Variants in DCHS2 observed in about 807,000 individuals in gnomAD.
The protein encoded by DCHS2 is protocadherin-23.
A neutral mutation model predicts 182.4 loss-of-function variants in DCHS2; 142 were observed. That is an observed-to-expected ratio of 0.78 (90% CI 0.68 to 0.89). The LOEUF is 0.89. DCHS2 is among the 40% of genes least tolerant of loss of function. The probability of loss-of-function intolerance (pLI) is 0.00; values close to 1 mark genes in which losing one functional copy is unlikely to be tolerated. For missense variants in DCHS2, 4,319 were observed against 4,198.6 expected, an observed-to-expected ratio of 1.03 and a Z score of -0.79; for synonymous variants, 1,740 against 1,663.3, an observed-to-expected ratio of 1.05 and a Z score of -1.12.
intron 15 of DCHS2, among the ~76,000 whole-genome samples, chr4:154,259,113 T>C (rs1195553988): frequency 6.6e-6 from 1 of 152,108 alleles, no homozygotes; most frequent in Non-Finnish European, 1.5e-5. Context: ...ATGGGGCTAG[T>C]CCTGAAAGCA....
chr4:154,474,244 G>A (rs767625867), intron 1 of DCHS2, among the ~76,000 whole-genome samples: 2 of 152,124 alleles, frequency 1.3e-5, no homozygotes, highest in Admixed American at 6.5e-5. Context: ...TCTTCAGAGC[G>A]TTAACTTACA....
chr4:154,244,471 G>A (rs988935821), intron 16 of DCHS2, among the ~76,000 whole-genome samples: 1 of 152,284 alleles, frequency 6.6e-6, no homozygotes, highest in East Asian at 1.9e-4. Flanking sequence ...TTATTAATTA[G>A]AAGATGCTCT....
chr4:154,455,134 C>T (rs567650730), intron 1 of DCHS2, among the ~76,000 whole-genome samples: 1 of 152,288 alleles, frequency 6.6e-6, no homozygotes, highest in South Asian at 2.1e-4. Flanking sequence ...CTTTAAAATC[C>T]AAACCTCTGT....
intron 3 of DCHS2, among the ~76,000 whole-genome samples, chr4:154,339,552 C>T (rs1242115473): frequency 3.3e-5 from 5 of 151,410 alleles, no homozygotes; most frequent in African/African-American, 1.2e-4. Context: ...TGGATTCAAG[C>T]GATTCTCCCG....
At chr4:154,419,461 GC>G (rs1204295434) in intron 1 of DCHS2, among the ~76,000 whole-genome samples, 1 of 151,958 alleles carries the variant, frequency 6.6e-6, no homozygotes, top group East Asian at 1.9e-4. Context: ...GACCAGCCTG[GC>G]CAATGTGGTG....
intron 1 of DCHS2, among the ~76,000 whole-genome samples, chr4:154,412,161 A>G (rs1045460524): frequency 3.9e-5 from 6 of 152,222 alleles, no homozygotes; most frequent in African/African-American, 7.2e-5. Context: ...GAGAGAGAGA[A>G]AAAAAGCACA....
chr4:154,341,855 G>C (rs1017500371), intron 3 of DCHS2, among the ~76,000 whole-genome samples: 4 of 152,174 alleles, frequency 2.6e-5, no homozygotes, highest in Non-Finnish European at 4.4e-5. Flanking sequence ...TTTCCTGTCT[G>C]AAAGTGCTGA....
intron 16 of DCHS2, among the ~76,000 whole-genome samples, 183 bp downstream of exon 16, chr4:154,255,336 A>G (rs1732603972): frequency 6.6e-6 from 1 of 152,242 alleles, no homozygotes; most frequent in Non-Finnish European, 1.5e-5. Context: ...CCAAATACAA[A>G]TAATGGCTGA....
In DCHS2 at chr4:154,297,978, A is replaced by G; in HGVS notation, c.6336T>C (p.Val2112=). The change falls in exon 13 of 20, where the codon GTT becomes GTC. Residue 2112 remains valine, a synonymous_variant. Transcript: ENST00000357232. The part of the protein sequence containing the change: ...EYFPIWLQLK[V]TDQGIPARTT... ...TCCTGGCTGGAATGCCCTGGTCTGT[A>G]ACTTTTAACTGCAGCCAGATAGGGA... 6.2e-7 allele frequency: 1 copy of G among 1,614,144 alleles called. No individual in the cohort carries two copies. Among genetic ancestry groups the G allele is most frequent in the East Asian group, 2.2e-5 (1 of 44,870 alleles).
At chr4:154,419,821 CA>C (rs369876828) in intron 1 of DCHS2, among the ~76,000 whole-genome samples, 2,548 of 122,512 alleles carry the variant, frequency 0.021, 56 homozygotes, top group African/African-American at 0.072. Context: ...AGAACAAGAC[CA>C]AAAAAAAAAA....
chr4:154,471,335 G>A (rs1236977331), intron 1 of DCHS2, among the ~76,000 whole-genome samples: 2 of 152,130 alleles, frequency 1.3e-5, no homozygotes, highest in Admixed American at 1.3e-4. Flanking sequence ...TGCAGCATAG[G>A]TCTGAAATAA....
intron 7 of DCHS2, among the ~76,000 whole-genome samples, chr4:154,326,018 A>T (rs564935173): frequency 6.6e-6 from 1 of 152,226 alleles, no homozygotes; most frequent in African/African-American, 2.4e-5. Flanking sequence ...TATTCCGTGA[A>T]TATACCATAT....
At chr4:154,367,314 C>A (rs182294455) in intron 2 of DCHS2, among the ~76,000 whole-genome samples, 3 of 152,050 alleles carry the variant, frequency 2.0e-5, no homozygotes, top group Non-Finnish European at 4.4e-5. Context: ...GGAGGGAGAA[C>A]GGGCAGGAGG....
intron 12 of DCHS2, among the ~76,000 whole-genome samples, chr4:154,303,682 G>A (rs1301325502): frequency 6.6e-6 from 1 of 152,156 alleles, no homozygotes; most frequent in Non-Finnish European, 1.5e-5. Flanking sequence ...GGAGGAACAA[G>A]GTTAGTAGGT....
At chr4:154,384,031 T>C (rs1386286111) in intron 1 of DCHS2, among the ~76,000 whole-genome samples, 1 of 152,072 alleles carries the variant, frequency 6.6e-6, no homozygotes, top group Non-Finnish European at 1.5e-5. Context: ...AACACACACA[T>C]AGAACTTTAC....
intron 7 of DCHS2, among the ~76,000 whole-genome samples, chr4:154,327,656 G>A (rs1233888488): frequency 6.6e-6 from 1 of 151,990 alleles, no homozygotes; most frequent in East Asian, 1.9e-4. Flanking sequence ...ATACACACAC[G>A]CATGTATACA....
At chr4:154,293,863 C>T (rs1237496539) in intron 13 of DCHS2, among the ~76,000 whole-genome samples, 2 of 152,192 alleles carry the variant, frequency 1.3e-5, no homozygotes, top group African/African-American at 4.8e-5. Flanking sequence ...CGCTTGGTCG[C>T]GGGGTCAACT....
At chr4:154,308,922 A>G (rs533403043) in intron 10 of DCHS2, among the ~76,000 whole-genome samples, 54 of 152,180 alleles carry the variant, frequency 3.5e-4, no homozygotes, top group Non-Finnish European at 7.9e-4. Flanking sequence ...CGGAAACCCT[A>G]AAGATGAATA....
chr4:154,239,178 G>A lies in DCHS2; in HGVS notation c.7484C>T (p.Pro2495Leu). Reference protein sequence around the residue: ...LSSSKEFSIDPKNGTIFTISP... With the variant: ...LSSSKEFSIDLKNGTIFTISP... ...AATTATAAATAACTCACCATTCTTA[G>A]GATCAATGGAGAATTCCTTAGAAGA... Residue 2495 changes from proline (P) to leucine (L), a missense_variant, in exon 19 of 20, where the codon CCT becomes CTT. Physicochemically the swap from Pro to Leu is moderately conservative, Grantham distance 98. Coordinates refer to ENST00000357232, the MANE Select transcript of DCHS2 (RefSeq NM_001358235.2). The A allele has an allele frequency of 6.2e-7, 1 of 1,611,652 alleles. No homozygotes were observed. The highest frequency in any genetic ancestry group is 8.5e-7 in the Non-Finnish European group (1 of 1,179,116).
Sources: allele counts gnomAD v4.1 joint callset (sites outside exome capture counted in the v4.1 genomes callset), GRCh38; gene constraint gnomAD v4.1.1; transcripts MANE v1.5; gene names NCBI Gene and HGNC (gene_info 2026-07-23, HGNC 2026-07-21).